The following GFPT1 variants were observed in gnomAD, a reference collection of about 807,000 sequenced individuals.
GFPT1 encodes the protein glutamine--fructose-6-phosphate aminotransferase [isomerizing] 1.
A neutral mutation model predicts 92.0 loss-of-function variants in GFPT1; 40 were observed. The ratio of observed to expected loss-of-function variants is 0.43; its 90% CI spans 0.34 to 0.57. GFPT1 has a LOEUF of 0.57. Ranked by LOEUF, GFPT1 falls within the 20% of genes least tolerant of loss-of-function variation. The pLI is 0.02. For synonymous variants in GFPT1, 269 were observed against 280.6 expected (o/e 0.96, Z 0.41); for missense variants, 448 against 869.1 (o/e 0.52, Z 6.09).
At chr2:69,383,805 T>C (rs558672950) in intron 1 of GFPT1, among the ~76,000 whole-genome samples, 1 of 152,240 alleles carries the variant, frequency 6.6e-6, no homozygotes, top group African/African-American at 2.4e-5. Context: ...TTTTTGGATT[T>C]TTAGTAGAGA....
chr2:69,321,355 G>GTGATT lies in GFPT1; in HGVS notation c.*4829_*4833dup, dbSNP rs895979161. On this transcript the variant is annotated 3_prime_UTR_variant, in exon 20 of 20. Coordinates refer to ENST00000357308, the MANE Select transcript of GFPT1 (RefSeq NM_001244710.2). Reference sequence around the variant, plus strand: ...AGTGGCTTTTGGTAATATTTAGGCAGTGATTTCTTATTCTTAAAATCAACA... The same window carrying GTGATT: ...AGTGGCTTTTGGTAATATTTAGGCAGTGATTTGATTTCTTATTCTTAAAATCAACA... 22 of 152,198 alleles carry GTGATT rather than the reference G, an allele frequency of 1.4e-4. No individual in the cohort carries two copies. Among genetic ancestry groups the GTGATT allele is most frequent in the African/African-American group, 5.1e-4 (21 of 41,444 alleles). 9.4% of individuals were successfully genotyped at this position (152,198 alleles called of 1,614,324 possible). A position where few individuals can be genotyped will look rare whatever the true frequency, so the allele number is the denominator to read the frequency against.
At chr2:69,345,838 A>C (rs1445836373) in intron 12 of GFPT1, 66 bp downstream of exon 12, 8 of 892,612 alleles carry the variant, frequency 9.0e-6, no homozygotes, top group Non-Finnish European at 1.3e-5. Flanking sequence ...ATGAACTTTC[A>C]GGTTGTTAAT....
At chr2:69,356,671 A>G in intron 6 of GFPT1, 114 bp from the exon 7 acceptor site, 1 of 773,444 alleles carries the variant, frequency 1.3e-6, no homozygotes, top group Non-Finnish European at 2.4e-6. Flanking sequence ...GCTCTTTTGT[A>G]CCAGTTTATA....
intron 1 of GFPT1, among the ~76,000 whole-genome samples, chr2:69,377,372 TG>T (rs1003902453): frequency 1.3e-5 from 2 of 151,340 alleles, no homozygotes; most frequent in African/African-American, 4.9e-5. Context: ...ACATTTTGGC[TG>T]GGCACAGTGG....
chr2:69,351,486 G>A (rs1671205232), intron 9 of GFPT1, among the ~76,000 whole-genome samples: 1 of 152,074 alleles, frequency 6.6e-6, no homozygotes. Context: ...CTCTTAAAAT[G>A]CACATATAAA....
chr2:69,361,206 G>C (rs1231670181), intron 4 of GFPT1, among the ~76,000 whole-genome samples: 6 of 151,964 alleles, frequency 3.9e-5, no homozygotes, highest in Non-Finnish European at 2.9e-5. Context: ...CCAGCATTCT[G>C]GGGGGCTGAG....
At chr2:69,350,399 G>A (rs917069601) in intron 9 of GFPT1, among the ~76,000 whole-genome samples, 20 of 152,180 alleles carry the variant, frequency 1.3e-4, no homozygotes, top group African/African-American at 4.1e-4. Flanking sequence ...CAAAGAGTGC[G>A]TGGCAGGTAA....
At chr2:69,367,674 A>G (rs913969948) in intron 3 of GFPT1, among the ~76,000 whole-genome samples, 4 of 152,048 alleles carry the variant, frequency 2.6e-5, no homozygotes, top group Non-Finnish European at 5.9e-5. Flanking sequence ...ACAACTTATT[A>G]TATCATCCCA....
intron 2 of GFPT1, among the ~76,000 whole-genome samples, chr2:69,372,467 G>T (rs954671317): frequency 1.3e-5 from 2 of 152,084 alleles, no homozygotes; most frequent in African/African-American, 4.8e-5. Flanking sequence ...CTACTGGAGA[G>T]GCTAAGGCAG....
intron 10 of GFPT1, among the ~76,000 whole-genome samples, chr2:69,349,007 C>A (rs1671148586): frequency 6.6e-6 from 1 of 152,140 alleles, no homozygotes; most frequent in African/African-American, 2.4e-5. Flanking sequence ...ATGTTCCTCC[C>A]TCTACCTGTT....
chr2:69,373,918 G>C, intron 2 of GFPT1, 88 bp downstream of exon 2: 2 of 699,166 alleles, frequency 2.9e-6, no homozygotes, highest in Non-Finnish European at 5.2e-6. Context: ...AAACAAAACA[G>C]ACTTTAATAG....
At chr2:69,383,819 G>C (rs1388692800) in intron 1 of GFPT1, among the ~76,000 whole-genome samples, 6 of 151,996 alleles carry the variant, frequency 3.9e-5, no homozygotes, top group African/African-American at 1.4e-4. Flanking sequence ...GTAGAGACAG[G>C]GTTTCACCAT....
intron 9 of GFPT1, 26 bp from the exon 10 acceptor site, chr2:69,350,209 G>A (rs774782193): frequency 7.8e-6 from 11 of 1,413,396 alleles, no homozygotes; most frequent in Non-Finnish European, 1.1e-5. Flanking sequence ...AACATGAATT[G>A]GCAAACATGT....
chr2:69,371,043 T>C (rs1671733560), intron 2 of GFPT1, among the ~76,000 whole-genome samples: 1 of 151,294 alleles, frequency 6.6e-6, no homozygotes, highest in African/African-American at 2.4e-5. Context: ...GGGTGAGGAC[T>C]GCAATGTATT....
chr2:69,359,955 T>A (rs900748820), intron 4 of GFPT1, among the ~76,000 whole-genome samples: 1 of 152,208 alleles, frequency 6.6e-6, no homozygotes, highest in African/African-American at 2.4e-5. Context: ...TCATCTTTTT[T>A]AACTAATTTT....
chr2:69,354,221 A>G (rs556336546), intron 9 of GFPT1, 38 bp downstream of exon 9: 6 of 1,403,848 alleles, frequency 4.3e-6, no homozygotes, highest in Admixed American at 3.7e-5. Flanking sequence ...ACAAAAGAGG[A>G]TAAGATCCTC....
In GFPT1 at chr2:69,325,893, G is replaced by A; in HGVS notation, c.*296C>T. On this transcript the variant is annotated 3_prime_UTR_variant, in exon 20 of 20. Coordinates refer to ENST00000357308, the MANE Select transcript of GFPT1 (RefSeq NM_001244710.2). ...ACATATTGTCTTCTCAGATTGAAGT[G>A]GAGGGTCCAGAAATGCAACACCCAG... is the stretch of plus-strand genomic sequence containing the variant. 3.2e-6 allele frequency: 1 copy of A among 316,294 alleles called. No individual in the cohort carries two copies. The allele number at this position is 316,294 out of a possible 1,614,324, so 19.6% of individuals were successfully genotyped here.
At chr2:69,329,489 G>C in intron 16 of GFPT1, 65 bp from the exon 17 acceptor site, 1 of 1,281,256 alleles carries the variant, frequency 7.8e-7, no homozygotes, top group Non-Finnish European at 1.1e-6. Flanking sequence ...TATATTGGCA[G>C]CAAATAACAA....
intron 15 of GFPT1, 98 bp from the exon 16 acceptor site, chr2:69,329,896 T>A (rs1347333169): frequency 7.9e-6 from 6 of 757,956 alleles, no homozygotes; most frequent in Non-Finnish European, 1.2e-5. Context: ...TTCCCATTGG[T>A]TTTACAGTAT....
Sources: allele counts gnomAD v4.1 joint callset (sites outside exome capture counted in the v4.1 genomes callset), GRCh38; gene constraint gnomAD v4.1.1; transcripts MANE v1.5; gene names NCBI Gene and HGNC (gene_info 2026-07-23, HGNC 2026-07-21).